The following MAP3K13 variants were observed in gnomAD, a reference collection of about 807,000 sequenced individuals.
MAP3K13 encodes the protein mitogen-activated protein kinase kinase kinase 13, also known as leucine zipper-bearing kinase.
A neutral mutation model predicts 104.0 loss-of-function variants in MAP3K13; 52 were observed. That is an observed-to-expected ratio of 0.50 (90% CI 0.40 to 0.63). MAP3K13 has a LOEUF of 0.63. Among genes scored for constraint, MAP3K13 ranks in the 20% least tolerant of loss-of-function variants. MAP3K13 has a pLI of 0.00. For missense variants in MAP3K13, 914 were observed against 1,218.5 expected (o/e 0.75, Z 3.72); for synonymous variants, 394 against 442.2 (o/e 0.89, Z 1.37).
intron 2 of MAP3K13, among the ~76,000 whole-genome samples, chr3:185,335,778 G>T (rs1339105936): frequency 6.6e-6 from 1 of 152,048 alleles, no homozygotes; most frequent in African/African-American, 2.4e-5. Context: ...GCCTATACAT[G>T]TTCAGTACAG....
chr3:185,451,969 A>G (rs951990081), intron 7 of MAP3K13, among the ~76,000 whole-genome samples: 3 of 152,136 alleles, frequency 2.0e-5, no homozygotes, highest in African/African-American at 4.8e-5. Flanking sequence ...GAGAAAAGAG[A>G]AAAAGAAGAT....
intron 1 of MAP3K13, among the ~76,000 whole-genome samples, chr3:185,371,835 G>T (rs1231829624): frequency 6.6e-6 from 1 of 152,176 alleles, no homozygotes; most frequent in Non-Finnish European, 1.5e-5. Context: ...CATTACTAAA[G>T]AGGGCTCAAT....
chr3:185,406,231 C>T (rs1469350283), intron 1 of MAP3K13, among the ~76,000 whole-genome samples: 1 of 152,168 alleles, frequency 6.6e-6, no homozygotes, highest in Non-Finnish European at 1.5e-5. Flanking sequence ...CTTAATTTAG[C>T]CCTTCCTAGC....
intron 2 of MAP3K13, among the ~76,000 whole-genome samples, chr3:185,342,711 A>G (rs11713684): frequency 0.76 from 116,042 of 152,092 alleles, 45,013 homozygotes; most frequent in Middle Eastern, 0.84. Flanking sequence ...TTGTCTCTAG[A>G]TGGAATAGTG....
rs1714226108 is a variant in MAP3K13, at chr3:185,423,082, A to G, written c.-85-5415A>G. ...CTGTCCCCCATCACCCCCAGATAGG[A>G]CTGTCTAGTTGCAGGAAAACAAGCT... On this transcript the variant is annotated intron_variant, in intron 1 of 13. Transcript: ENST00000265026. The surrounding 1 kb of genome is among the most constrained non-coding windows in gnomAD (Gnocchi z 4.1). Among the ~76,000 whole-genome samples the G allele has an allele frequency of 6.6e-6, 1 of 152,200 alleles. No individual in the cohort carries two copies. Among genetic ancestry groups the G allele is most frequent in the South Asian group, 2.1e-4 (1 of 4,828 alleles).
chr3:185,445,417 A>G (rs1347800910), intron 4 of MAP3K13, among the ~76,000 whole-genome samples: 1 of 152,222 alleles, frequency 6.6e-6, no homozygotes, highest in Non-Finnish European at 1.5e-5. Flanking sequence ...GCAAGTAAAC[A>G]TGATTGTGTA....
chr3:185,398,038 G>A (rs1183839792), intron 1 of MAP3K13, among the ~76,000 whole-genome samples: 1 of 152,112 alleles, frequency 6.6e-6, no homozygotes, highest in African/African-American at 2.4e-5. Flanking sequence ...GGGGAGAGCT[G>A]GTGGCAAGAA....
chr3:185,462,590 AG>A (rs1370384420), intron 7 of MAP3K13, among the ~76,000 whole-genome samples: 4 of 152,060 alleles, frequency 2.6e-5, no homozygotes, highest in African/African-American at 9.7e-5. Context: ...CTGGACAACA[AG>A]GTGAAATCCC....
chr3:185,489,065 T>G lies in MAP3K13; in HGVS notation c.*6609T>G, dbSNP rs1385301652. 1 of 152,142 alleles carries G rather than the reference T, an allele frequency of 6.6e-6. No homozygotes were observed. The highest frequency in any genetic ancestry group is 1.5e-5 in the Non-Finnish European group (1 of 68,022). The allele number at this position is 152,142 out of a possible 1,614,324, so 9.4% of individuals were successfully genotyped here. ...AAGAATGACTATCAAAGCAAACAAA[T>G]GCATGGAATTAAACAAAAAGTGTAC... On this transcript the variant is annotated 3_prime_UTR_variant, in exon 14 of 14. Transcript: ENST00000265026.
rs181916145 is a variant in MAP3K13, at chr3:185,486,645, T to C, written c.*4189T>C. The C allele has an allele frequency of 1.3e-5, 2 of 152,354 alleles. No individual in the cohort carries two copies. The highest frequency in any genetic ancestry group is 1.9e-4 in the East Asian group (1 of 5,190). 9.4% of individuals were successfully genotyped at this position (152,354 alleles called of 1,614,324 possible). A position where few individuals can be genotyped will look rare whatever the true frequency, so the allele number is the denominator to read the frequency against. On this transcript the variant is annotated 3_prime_UTR_variant, in exon 14 of 14. Transcript: ENST00000265026. ...AAGACTGTGATTTCAAGCTGCTTCA[T>C]TGATGGAAAGTTTCACCATCTTGGG... is the stretch of plus-strand genomic sequence containing the variant.
intron 7 of MAP3K13, 105 bp from the exon 8 acceptor site, chr3:185,463,445 T>C (rs2148914880): frequency 1.6e-6 from 1 of 644,878 alleles, no homozygotes; most frequent in East Asian, 2.5e-5. Context: ...AAAAAGGCTC[T>C]TCAGTAGAAG....
Position 185,482,288 on chromosome 3 carries a change from G to A in MAP3K13, c.2800-67G>A. 1 of 1,105,380 alleles carries A rather than the reference G, an allele frequency of 9.0e-7. No individual in the cohort carries two copies. Among genetic ancestry groups the A allele is most frequent in the Non-Finnish European group, 1.4e-6 (1 of 719,230 alleles). 68.5% of individuals were successfully genotyped at this position (1,105,380 alleles called of 1,614,324 possible). On this transcript the variant is annotated intron_variant, in intron 13 of 13. Coordinates refer to ENST00000265026, the MANE Select transcript of MAP3K13 (RefSeq NM_004721.5). The surrounding 1 kb of genome is among the most constrained non-coding windows in gnomAD (Gnocchi z 4.5). ...ACCAAGCACAGTGCCTGTTGTGTGGGAGGTGTTTGACATATATTTACTGAG... is the reference window on the plus strand; with the variant it reads ...ACCAAGCACAGTGCCTGTTGTGTGGAAGGTGTTTGACATATATTTACTGAG...
chr3:185,319,016 T>A (rs1357484959), intron 2 of MAP3K13, among the ~76,000 whole-genome samples: 1 of 152,250 alleles, frequency 6.6e-6, no homozygotes, highest in East Asian at 1.9e-4. Flanking sequence ...TCAATGGTTT[T>A]ATCACATTTC....
intron 7 of MAP3K13, among the ~76,000 whole-genome samples, chr3:185,457,268 A>T (rs912523009): frequency 2.0e-5 from 3 of 152,228 alleles, no homozygotes; most frequent in Admixed American, 1.3e-4. Context: ...ACAGGAGAGG[A>T]GGTCAGAATA....
intron 1 of MAP3K13, among the ~76,000 whole-genome samples, chr3:185,409,621 C>T (rs1713314383): frequency 6.6e-6 from 1 of 152,102 alleles, no homozygotes; most frequent in Non-Finnish European, 1.5e-5. Context: ...GGTCCAGCAA[C>T]CCCACTACTG....
Position 185,363,431 on chromosome 3 carries a change from A to C in MAP3K13, c.-86+63A>C, listed in dbSNP as rs546723448. ...TTTATTTCACAAGGACAGACAGAGA[A>C]TGTGTGATTTGAGGTGATTAGAAAG... On this transcript the variant is annotated intron_variant, in intron 1 of 13. Transcript: ENST00000265026. 1.4e-5 allele frequency: 12 copies of C among 838,998 alleles called. No individual in the cohort carries two copies. In the East Asian group the frequency reaches 9.9e-4, roughly 69 times the overall value. 52.0% of individuals were successfully genotyped at this position (838,998 alleles called of 1,614,324 possible).
chr3:185,339,135 C>G (rs756865904), intron 2 of MAP3K13, among the ~76,000 whole-genome samples: 4 of 152,054 alleles, frequency 2.6e-5, no homozygotes, highest in Non-Finnish European at 4.4e-5. Flanking sequence ...GTCTGGCCAA[C>G]ATGGAGAAAC....
At chr3:185,383,854 A>T (rs1711530844) in intron 1 of MAP3K13, among the ~76,000 whole-genome samples, 1 of 152,296 alleles carries the variant, frequency 6.6e-6, no homozygotes, top group East Asian at 1.9e-4. Context: ...CACTTATGGG[A>T]TACATATGAT....
At chr3:185,417,310 A>C (rs1488997370) in intron 1 of MAP3K13, among the ~76,000 whole-genome samples, 2 of 152,234 alleles carry the variant, frequency 1.3e-5, no homozygotes, top group South Asian at 4.1e-4. Context: ...TAAATGCAAG[A>C]GTTTTGATGC....
Sources: allele counts gnomAD v4.1 joint callset (sites outside exome capture counted in the v4.1 genomes callset), GRCh38; gene constraint gnomAD v4.1.1; non-coding constraint Gnocchi (gnomAD v3.1); transcripts MANE v1.5; gene names NCBI Gene and HGNC (gene_info 2026-07-23, HGNC 2026-07-21).